BBC3: variants seen among roughly 807,000 people sequenced by gnomAD.
BBC3 encodes bcl-2-binding component 3.
Under a neutral mutation model 18.2 loss-of-function variants are expected in BBC3, and 5 were observed. The observed-to-expected ratio is 0.27, with a 90% confidence interval of 0.14 to 0.58. The LOEUF (loss-of-function observed/expected upper bound fraction) is 0.58, where lower values mean the gene tolerates loss of function less well. BBC3 is among the 20% of genes least tolerant of loss of function. The probability of loss-of-function intolerance (pLI) is 0.91; values close to 1 mark genes in which losing one functional copy is unlikely to be tolerated. For synonymous variants in BBC3, 119 were observed against 128.0 expected, an observed-to-expected ratio of 0.93 and a Z score of 0.47; for missense variants, 224 against 268.9, an observed-to-expected ratio of 0.83 and a Z score of 1.17.
In BBC3 at chr19:47,230,784, G is replaced by A. The variant is rs1490273964; in HGVS notation, c.-16+145C>T. On this transcript the variant is annotated intron_variant, in intron 1 of 3. Coordinates refer to ENST00000439096, the MANE Select transcript of BBC3 (RefSeq NM_014417.5). The surrounding 1 kb of genome is among the most constrained non-coding windows in gnomAD (Gnocchi z 6.7). ...CTCTCACCCGGCGACCCTGGCCCAG[G>A]GTCCCTCGCGGGGTTTGGAGAGGCG... 33 of 985,182 alleles carry A rather than the reference G, an allele frequency of 3.3e-5. No individual in the cohort carries two copies. The highest frequency in any genetic ancestry group is 9.4e-5 in the South Asian group (2 of 21,292). 61.0% of individuals were successfully genotyped at this position (985,182 alleles called of 1,614,324 possible).
intron 1 of BBC3, among the ~76,000 whole-genome samples, chr19:47,229,711 G>T (rs941491225): frequency 6.7e-6 from 1 of 149,804 alleles, no homozygotes; most frequent in East Asian, 2.0e-4. Flanking sequence ...AACACCCACC[G>T]TCTACACTGC....
chr19:47,228,065 C>A lies in BBC3; in HGVS notation c.274+93G>T. 2.9e-6 allele frequency: 3 copies of A among 1,045,652 alleles called. No homozygotes were observed. Among genetic ancestry groups the A allele is most frequent in the Non-Finnish European group, 3.6e-6 (3 of 826,312 alleles). 64.8% of individuals were successfully genotyped at this position (1,045,652 alleles called of 1,614,324 possible). ...AGTGGCCCGGCTGGGCCCGCCACCTCCCCCCGTCCTCTCCCACTTCTCCAG... is the reference window on the plus strand; with the variant it reads ...AGTGGCCCGGCTGGGCCCGCCACCTACCCCCGTCCTCTCCCACTTCTCCAG... On this transcript the variant is annotated intron_variant, in intron 2 of 3. Transcript: ENST00000439096. The surrounding 1 kb of genome is among the most constrained non-coding windows in gnomAD (Gnocchi z 5.5).
chr19:47,221,627 C>T lies in BBC3; in HGVS notation c.*175G>A, dbSNP rs1210209800. 41 of 1,365,822 alleles carry T rather than the reference C, an allele frequency of 3.0e-5. No homozygotes were observed. The highest frequency in any genetic ancestry group is 3.9e-5 in the Non-Finnish European group (40 of 1,014,062). 84.6% of individuals were successfully genotyped at this position (1,365,822 alleles called of 1,614,324 possible). On this transcript the variant is annotated 3_prime_UTR_variant, in exon 4 of 4. Coordinates refer to ENST00000439096, the MANE Select transcript of BBC3 (RefSeq NM_014417.5). ...AGGAGTCCGCATCTCCGTCAGTGCA[C>T]CCCAGGCTGGGCTGGGGCTGGAGTG...
rs2058865186 is a variant in BBC3, at chr19:47,228,376, C to T, written c.56G>A (p.Arg19His). ...GAGCGGGAAGGGGCGCGGGCCGTCG[C>T]GGGCCAGGCCCTCTACGGGCTCCGG... ...SSPEPVEGLARDGPRPFPLGR... is the reference protein window; with the variant it reads ...SSPEPVEGLAHDGPRPFPLGR... The change falls in exon 2 of 4, where the codon CGC (arginine) becomes CAC (histidine). Residue 19 changes from arginine to histidine, a missense_variant. By Grantham distance (29) the Arg-to-His change is conservative. Coordinates refer to ENST00000439096, the MANE Select transcript of BBC3 (RefSeq NM_014417.5). This position sits in a 1 kb window ranked among gnomAD's most constrained non-coding sequence, Gnocchi z 5.5. The T allele has an allele frequency of 1.6e-6, 2 of 1,231,268 alleles. No individual in the cohort carries two copies. The highest frequency in any genetic ancestry group is 3.1e-5 in the African/African-American group (2 of 64,408). 76.3% of individuals were successfully genotyped at this position (1,231,268 alleles called of 1,614,324 possible). A position where few individuals can be genotyped will look rare whatever the true frequency, so the allele number is the denominator to read the frequency against.
At position 47,231,184 on chromosome 19, in the gene BBC3, G is replaced by C; in HGVS notation, c.-271C>G. On this transcript the variant is annotated 5_prime_UTR_variant, in exon 1 of 4. Coordinates refer to ENST00000439096, the MANE Select transcript of BBC3 (RefSeq NM_014417.5). The surrounding 1 kb of genome is among the most constrained non-coding windows in gnomAD (Gnocchi z 4.0). ...GCCGCCAGGCGCCCGCTCGCATGTG[G>C]CTCGCGCCGCGTCTCAGGCCGCCCG... 1.0e-6 allele frequency: 1 copy of C among 983,660 alleles called. No individual in the cohort carries two copies. The highest frequency in any genetic ancestry group is 4.5e-5 in the South Asian group (1 of 22,134). The allele number at this position is 983,660 out of a possible 1,614,324, so 60.9% of individuals were successfully genotyped here.
chr19:47,228,549 G>GT lies in BBC3; in HGVS notation c.-15-104dup. ...GACCCAGATGGAGAAGAGTGGAGGT[G>GT]TGTGTGCATGCGGAGGGGGTGACGG... On this transcript the variant is annotated intron_variant, in intron 1 of 3. Transcript: ENST00000439096. This position sits in a 1 kb window ranked among gnomAD's most constrained non-coding sequence, Gnocchi z 5.5. 1 of 1,093,866 alleles carries GT rather than the reference G, an allele frequency of 9.1e-7. No homozygotes were observed. The highest frequency in any genetic ancestry group is 1.2e-6 in the Non-Finnish European group (1 of 864,864). 67.8% of individuals were successfully genotyped at this position (1,093,866 alleles called of 1,614,324 possible). A position where few individuals can be genotyped will look rare whatever the true frequency, so the allele number is the denominator to read the frequency against.
At chr19:47,223,995 A>G (rs538893640) in intron 3 of BBC3, among the ~76,000 whole-genome samples, 1 of 152,222 alleles carries the variant, frequency 6.6e-6, no homozygotes, top group Non-Finnish European at 1.5e-5. Flanking sequence ...TGGGAGAGGA[A>G]AAAAGGCAAT....
At chr19:47,224,530 G>A (rs1365126874) in intron 3 of BBC3, among the ~76,000 whole-genome samples, 1 of 152,000 alleles carries the variant, frequency 6.6e-6, no homozygotes, top group Non-Finnish European at 1.5e-5. Context: ...GGAGGCTGAG[G>A]CGGGAGGATC....
At chr19:47,223,094 C>T (rs1196439093) in intron 3 of BBC3, among the ~76,000 whole-genome samples, 1 of 149,552 alleles carries the variant, frequency 6.7e-6, no homozygotes, top group Non-Finnish European at 1.5e-5. Flanking sequence ...CACAGTGAAA[C>T]CCCATCTCTA....
intron 3 of BBC3, chr19:47,222,287 G>A (rs984175368): frequency 3.8e-5 from 7 of 184,286 alleles, no homozygotes; most frequent in African/African-American, 1.6e-4. Context: ...GAAAGGAGCA[G>A]GGTGCCCACA....
intron 1 of BBC3, among the ~76,000 whole-genome samples, chr19:47,229,494 C>G (rs1305881497): frequency 6.6e-6 from 1 of 150,978 alleles, no homozygotes; most frequent in Non-Finnish European, 1.5e-5. Flanking sequence ...ACACACCCTA[C>G]AGCTAACTCT....
chr19:47,231,257 CCCCCGCCCGGCGGGTCCCACG>C (rs1411551805), upstream of BBC3: 4 of 946,054 alleles, frequency 4.2e-6, no homozygotes, highest in African/African-American at 3.6e-5. The surrounding 1 kb of genome is among the most constrained non-coding windows in gnomAD (Gnocchi z 4.0). Flanking sequence ...CCCCGCCCCG[CCCCCGCCCGGCGGGTCCCACG>C]CCCCGCCCCC....
In BBC3 at chr19:47,230,510, C is replaced by T. The variant is rs935594506; in HGVS notation, c.-16+419G>A. 6.6e-6 allele frequency among the ~76,000 whole-genome samples: 1 copy of T among 151,034 alleles called. No individual in the cohort carries two copies. The highest frequency in any genetic ancestry group is 2.4e-5 in the African/African-American group (1 of 41,224). On this transcript the variant is annotated intron_variant, in intron 1 of 3. Coordinates refer to ENST00000439096, the MANE Select transcript of BBC3 (RefSeq NM_014417.5). The surrounding 1 kb of genome is among the most constrained non-coding windows in gnomAD (Gnocchi z 6.7). ...CCGCCCGCAGGAGCCGCAGACTCCA[C>T]GGCCCGCGAGCCGCCCCCCGTCGCC...
intron 3 of BBC3, among the ~76,000 whole-genome samples, chr19:47,222,794 C>A (rs1272522445): frequency 6.6e-6 from 1 of 150,662 alleles, no homozygotes; most frequent in Non-Finnish European, 1.5e-5. Context: ...GGAGAAACCC[C>A]ATCTCTACTA....
intron 3 of BBC3, chr19:47,222,459 G>C (rs1158122589): frequency 6.6e-6 from 1 of 152,326 alleles, no homozygotes; most frequent in African/African-American, 2.4e-5. Flanking sequence ...GACCCTCTCA[G>C]CTCCAACATC....
intron 3 of BBC3, among the ~76,000 whole-genome samples, chr19:47,226,020 C>G (rs1368222246): frequency 6.6e-6 from 1 of 151,820 alleles, no homozygotes; most frequent in Non-Finnish European, 1.5e-5. Context: ...TTGTGATTTC[C>G]CATTCTCTGC....
upstream of BBC3, among the ~76,000 whole-genome samples, chr19:47,232,220 G>A (rs902793266): frequency 1.3e-5 from 2 of 152,030 alleles, no homozygotes; most frequent in Non-Finnish European, 2.9e-5. Context: ...GCGTTGTGGC[G>A]CATGCCTGTA....
upstream of BBC3, among the ~76,000 whole-genome samples, chr19:47,231,438 G>A (rs2058914749): frequency 6.6e-6 from 1 of 152,116 alleles, no homozygotes; most frequent in African/African-American, 2.4e-5. The surrounding 1 kb of genome is among the most constrained non-coding windows in gnomAD (Gnocchi z 4.0). Flanking sequence ...CAGGCGCTGT[G>A]CGGCGGGGTG....
chr19:47,228,121 C>T lies in BBC3; in HGVS notation c.274+37G>A, dbSNP rs2058860073. ...CCGAGTCTCCAGCCCTCTCTCTTCC[C>T]GGCTCCTATCACCCCGGGGGCGGGG... On this transcript the variant is annotated intron_variant, in intron 2 of 3. Coordinates refer to ENST00000439096, the MANE Select transcript of BBC3 (RefSeq NM_014417.5). The surrounding 1 kb of genome is among the most constrained non-coding windows in gnomAD (Gnocchi z 5.5). 2 of 1,221,042 alleles carry T rather than the reference C, an allele frequency of 1.6e-6. No homozygotes were observed. Among genetic ancestry groups the T allele is most frequent in the African/African-American group, 1.6e-5 (1 of 64,116 alleles). 75.6% of individuals were successfully genotyped at this position (1,221,042 alleles called of 1,614,324 possible).
Sources: allele counts gnomAD v4.1 joint callset (sites outside exome capture counted in the v4.1 genomes callset), GRCh38; gene constraint gnomAD v4.1.1; non-coding constraint Gnocchi (gnomAD v3.1); transcripts MANE v1.5; gene names NCBI Gene and HGNC (gene_info 2026-07-23, HGNC 2026-07-21).